Variants in CHD9 observed in about 807,000 individuals in gnomAD.
CHD9 encodes ATP-dependent chromatin remodeler CHD9.
CHD9 carries 77 observed loss-of-function variants against 316.1 expected under a neutral mutation model. The observed-to-expected ratio is 0.24, with a 90% CI of 0.20 to 0.29. The LOEUF (loss-of-function observed/expected upper bound fraction) is 0.29, where lower values mean the gene tolerates loss of function less well. CHD9 is among the 10% of genes least tolerant of loss of function. The pLI is 1.00. For missense variants in CHD9, 2,763 were observed against 3,438.1 expected (o/e 0.80, Z 4.91); for synonymous variants, 1,129 against 1,158.3 (o/e 0.97, Z 0.51).
intron 4 of CHD9, among the ~76,000 whole-genome samples, chr16:53,223,164 T>C (rs1440619912): frequency 6.6e-6 from 1 of 151,980 alleles, no homozygotes; most frequent in African/African-American, 2.4e-5. Flanking sequence ...CTAGAAATAA[T>C]TCCTTTGGTC....
chr16:53,197,954 G>A (rs901549250), intron 2 of CHD9, among the ~76,000 whole-genome samples: 9 of 151,976 alleles, frequency 5.9e-5, no homozygotes, highest in Non-Finnish European at 8.8e-5. Flanking sequence ...CACCATGCCC[G>A]GCCTCCCTAG....
intron 34 of CHD9, among the ~76,000 whole-genome samples, chr16:53,309,706 G>A (rs917712203): frequency 2.0e-5 from 3 of 152,060 alleles, no homozygotes; most frequent in East Asian, 1.9e-4. Flanking sequence ...GACCTCAAAC[G>A]ATCCTCCCAC....
chr16:53,321,388 TATAATC>T, intron 37 of CHD9, 132 bp from the exon 38 acceptor site: 1 of 1,388,716 alleles, frequency 7.2e-7, no homozygotes, highest in Admixed American at 3.0e-5. Flanking sequence ...GCCTTTTTAA[TATAATC>T]ATAAAGATTA....
chr16:53,194,036 C>T (rs1280535036), intron 2 of CHD9, among the ~76,000 whole-genome samples: 1 of 152,054 alleles, frequency 6.6e-6, no homozygotes, highest in Non-Finnish European at 1.5e-5. Flanking sequence ...AAAGGGCACT[C>T]TTGACAACTA....
intron 24 of CHD9, among the ~76,000 whole-genome samples, chr16:53,279,034 A>G (rs1292642133): frequency 2.6e-5 from 4 of 152,204 alleles, no homozygotes; most frequent in Non-Finnish European, 5.9e-5. Flanking sequence ...ATTATAAAAC[A>G]TGCTGCTATA....
At chr16:53,286,448 G>A in intron 26 of CHD9, 105 bp downstream of exon 26, 1 of 635,864 alleles carries the variant, frequency 1.6e-6, no homozygotes, top group Non-Finnish European at 2.8e-6. Flanking sequence ...AGCAGTAAGG[G>A]AATTGGAGTT....
chr16:53,120,062 C>CAA (rs576729596), intron 1 of CHD9, among the ~76,000 whole-genome samples: 60 of 137,226 alleles, frequency 4.4e-4, no homozygotes, highest in South Asian at 1.1e-3. Context: ...CCCATCTCCA[C>CAA]AAAAAAAAAA....
At chr16:53,250,287 TG>T (rs1181270173) in intron 17 of CHD9, 2 of 492,832 alleles carry the variant, frequency 4.1e-6, no homozygotes, top group East Asian at 7.6e-5. Context: ...CTAACTTATA[TG>T]TCTTACTAGC....
At chr16:53,108,511 TATAG>T (rs36134573) in intron 1 of CHD9, among the ~76,000 whole-genome samples, 57,702 of 146,362 alleles carry the variant, frequency 0.39, 11,419 homozygotes, top group Middle Eastern at 0.47. Context: ...TCTCAAAAAA[TATAG>T]ATAGATAGAT....
chr16:53,149,282 G>A (rs943445339), intron 1 of CHD9, among the ~76,000 whole-genome samples: 1 of 152,136 alleles, frequency 6.6e-6, no homozygotes, highest in Non-Finnish European at 1.5e-5. Context: ...TTGGTTTGTA[G>A]TGTTGTTCAA....
intron 28 of CHD9, 137 bp from the exon 29 acceptor site, chr16:53,292,696 G>C (rs1391372418): frequency 3.0e-6 from 2 of 670,804 alleles, no homozygotes; most frequent in Admixed American, 2.9e-5. Flanking sequence ...ATTGTTAAAA[G>C]AAGCTTTTAG....
intron 7 of CHD9, among the ~76,000 whole-genome samples, chr16:53,227,908 A>T (rs967775529): frequency 6.6e-6 from 1 of 151,510 alleles, no homozygotes; most frequent in Non-Finnish European, 1.5e-5. Flanking sequence ...ACATGGTGAA[A>T]CCTCATCTCT....
At chr16:53,304,942 C>T (rs1361611562) in intron 31 of CHD9, among the ~76,000 whole-genome samples, 2 of 152,008 alleles carry the variant, frequency 1.3e-5, no homozygotes, top group African/African-American at 4.8e-5. Flanking sequence ...GATCTACCCG[C>T]CTCAGCCTCC....
chr16:53,145,616 G>A (rs2040511049), intron 1 of CHD9, among the ~76,000 whole-genome samples: 1 of 151,926 alleles, frequency 6.6e-6, no homozygotes, highest in African/African-American at 2.4e-5. Flanking sequence ...TGAAACAGGA[G>A]AATTGCTTGA....
chr16:53,097,256 T>A (rs773049012), intron 1 of CHD9, among the ~76,000 whole-genome samples: 8 of 152,232 alleles, frequency 5.3e-5, no homozygotes, highest in Non-Finnish European at 1.0e-4. Context: ...TCAGCAATCA[T>A]GCAGACTTGA....
intron 1 of CHD9, among the ~76,000 whole-genome samples, chr16:53,086,506 C>G (rs1420670531): frequency 6.6e-6 from 1 of 152,200 alleles, no homozygotes; most frequent in African/African-American, 2.4e-5. Context: ...CCAGACTAAC[C>G]TTGGAAGGCA....
At chr16:53,063,925 C>G (rs2152502055) in intron 1 of CHD9, among the ~76,000 whole-genome samples, 1 of 151,452 alleles carries the variant, frequency 6.6e-6, no homozygotes, top group African/African-American at 2.4e-5. Flanking sequence ...GCTTAAACTC[C>G]TAGGCTCTGG....
At chr16:53,263,782 T>G (rs2051376695) in intron 20 of CHD9, among the ~76,000 whole-genome samples, 1 of 152,142 alleles carries the variant, frequency 6.6e-6, no homozygotes, top group Non-Finnish European at 1.5e-5. Context: ...GTATTATTGT[T>G]GAATGCATTT....
rs189976780 is a variant in CHD9 at position 53,143,641 on chromosome 16, C to T, written c.-164-12285C>T. The stretch of plus-strand genomic sequence containing the variant: ...TGACCTCGTGATCCGCCCACCTTGG[C>T]CTCCCAAAGTGCTAGGATTACAGGC... On this transcript the variant is annotated intron_variant, in intron 1 of 38. Transcript: ENST00000447540. Among the ~76,000 whole-genome samples, 20 of 152,184 alleles carry T rather than the reference C, an allele frequency of 1.3e-4. No homozygotes were observed. The East Asian group carries it at 3.9e-3, about 29-fold the overall frequency.
Sources: gnomAD v4.1 joint callset for allele counts (sites outside exome capture counted in the v4.1 genomes callset) on GRCh38, gnomAD v4.1.1 for gene constraint, MANE v1.5 for transcripts, NCBI Gene and HGNC (gene_info 2026-07-23, HGNC 2026-07-21) for gene names.